The following RTTN variants were observed in gnomAD, a reference collection of about 807,000 sequenced individuals.
RTTN encodes the protein rotatin.
RTTN carries 182 observed loss-of-function variants against 269.2 expected under a neutral mutation model. The ratio of observed to expected loss-of-function variants is 0.68; its 90% confidence interval spans 0.60 to 0.76. The LOEUF is 0.76. Among genes scored for constraint, RTTN ranks in the 30% least tolerant of loss-of-function variants. RTTN has a pLI of 0.00. For missense variants in RTTN, 2,545 were observed against 2,608.6 expected (o/e 0.98, Z 0.53); for synonymous variants, 1,006 against 963.5 (o/e 1.04, Z -0.82).
At chr18:70,135,869 A>C (rs532207772) in intron 21 of RTTN, among the ~76,000 whole-genome samples, 73 of 152,304 alleles carry the variant, frequency 4.8e-4, no homozygotes, top group African/African-American at 1.6e-3. Flanking sequence ...ACTTAGCTAA[A>C]TGCCCTGGTG....
rs1248712520 is a variant in RTTN at position 70,199,418 on chromosome 18, C to A, written c.574G>T (p.Glu192Ter). The part of the protein sequence containing the change: ...TTDRHVLSSN[E>*]SSLRSSNHTL... ...AAAATACATCAAGCACCGTACCTTT[C>A]ATTAGAGGAGAGGACATGTCTGTCT... Residue 192 changes from glutamate (E) to a stop codon, truncating the protein, a stop_gained, in exon 5 of 49, where the codon GAA becomes TAA. Coordinates refer to ENST00000640769, the MANE Select transcript of RTTN (RefSeq NM_173630.4). LOFTEE classifies it high-confidence loss of function. 3.1e-6 allele frequency: 5 copies of A among 1,605,224 alleles called. No homozygotes were observed. Among genetic ancestry groups the A allele is most frequent in the Non-Finnish European group, 4.3e-6 (5 of 1,172,356 alleles).
At chr18:70,193,050 A>C (rs144504851) in intron 8 of RTTN, 6,531 of 423,596 alleles carry the variant, frequency 0.015, 98 homozygotes, top group South Asian at 0.041. Context: ...ATACATAAAC[A>C]GAGCATATGT....
intron 11 of RTTN, among the ~76,000 whole-genome samples, chr18:70,175,577 T>C (rs2061269299): frequency 1.3e-5 from 2 of 151,502 alleles, no homozygotes; most frequent in Admixed American, 6.6e-5. Context: ...TATTAAGCAA[T>C]TAAGTTGCTG....
At chr18:70,205,428 C>T in intron 1 of RTTN, 113 bp from the exon 2 acceptor site, 2 of 1,440,714 alleles carry the variant, frequency 1.4e-6, no homozygotes, top group African/African-American at 1.4e-5. Context: ...TTTTCAGAAG[C>T]AGGCCACTGG....
chr18:70,140,037 A>T, intron 20 of RTTN, 63 bp downstream of exon 20: 1 of 1,092,638 alleles, frequency 9.2e-7, no homozygotes, highest in Non-Finnish European at 1.4e-6. Flanking sequence ...TGCTCAGTTC[A>T]ATTTCAGATC....
Position 70,128,165 on chromosome 18 carries a change from TCC to T in RTTN, c.3143+191_3143+192del, listed in dbSNP as rs2059912940. On this transcript the variant is annotated intron_variant, in intron 24 of 48. Transcript: ENST00000640769. Reference sequence around the variant, plus strand: ...TAAAATGCTTTTTCATTTAAAGTTTTCCCATATGATAGATTGTTAAAAGTAAT... The same window carrying T: ...TAAAATGCTTTTTCATTTAAAGTTTTCATATGATAGATTGTTAAAAGTAAT... The T allele has an allele frequency of 1.5e-5, 8 of 529,300 alleles. No homozygotes were observed. In the Admixed American group the frequency reaches 2.6e-4, roughly 18 times the overall value. The allele number at this position is 529,300 out of a possible 1,614,324, so 32.8% of individuals were successfully genotyped here.
In RTTN at chr18:70,038,631, G is replaced by A. The variant is rs2057246927; in HGVS notation, c.5542-7650C>T. On this transcript the variant is annotated intron_variant, in intron 40 of 48. Coordinates refer to ENST00000640769, the MANE Select transcript of RTTN (RefSeq NM_173630.4). ...CACACAAACAAGCCCAGACTGCAAAGACTAAAACAAATACCTAACTCTTCA... is the reference window on the plus strand; with the variant it reads ...CACACAAACAAGCCCAGACTGCAAAAACTAAAACAAATACCTAACTCTTCA... Among the ~76,000 whole-genome samples, 3 of 152,138 alleles carry A rather than the reference G, an allele frequency of 2.0e-5. 1 individual carries two copies. In the South Asian group the frequency reaches 6.2e-4, roughly 31 times the overall value.
chr18:70,142,555 C>A (rs2060285022), intron 18 of RTTN, among the ~76,000 whole-genome samples, 168 bp from the exon 19 acceptor site: 1 of 152,170 alleles, frequency 6.6e-6, no homozygotes, highest in Non-Finnish European at 1.5e-5. Flanking sequence ...AGTAGCAGTT[C>A]TGTATTTAGG....
At chr18:70,173,502 A>G (rs570283241) in intron 11 of RTTN, among the ~76,000 whole-genome samples, 1 of 152,002 alleles carries the variant, frequency 6.6e-6, no homozygotes, top group South Asian at 2.1e-4. Context: ...AAAAAAAAAA[A>G]AAAAAAAAAG....
chr18:70,146,223 G>C (rs2060389003), intron 17 of RTTN, among the ~76,000 whole-genome samples: 1 of 152,190 alleles, frequency 6.6e-6, no homozygotes, highest in Non-Finnish European at 1.5e-5. Context: ...ACACTACAAT[G>C]TATCAAAATC....
intron 10 of RTTN, among the ~76,000 whole-genome samples, chr18:70,186,074 C>T (rs1274224497): frequency 1.4e-5 from 2 of 142,886 alleles, no homozygotes; most frequent in Admixed American, 6.7e-5. Flanking sequence ...AATGCCCTCT[C>T]CCCCCCAAAA....
At chr18:70,065,978 C>G (rs749230293) in intron 34 of RTTN, 56 bp from the exon 35 acceptor site, 2 of 1,220,638 alleles carry the variant, frequency 1.6e-6, no homozygotes, top group Non-Finnish European at 2.3e-6. Flanking sequence ...AAATGAAACA[C>G]AGGCAACATA....
chr18:70,158,625 C>T (rs1267835148), intron 14 of RTTN, among the ~76,000 whole-genome samples: 5 of 152,120 alleles, frequency 3.3e-5, no homozygotes, highest in African/African-American at 9.7e-5. Flanking sequence ...ACGGGCTAAA[C>T]ACCCCACTTA....
Position 70,167,018 on chromosome 18 carries a change from A to C in RTTN, c.1703T>G (p.Leu568Arg). The change falls in exon 13 of 49, where the codon CTC becomes CGC. Residue 568 changes from leucine to arginine, a missense_variant. By Grantham distance (102) the Leu-to-Arg change is moderately radical. Coordinates refer to ENST00000640769, the MANE Select transcript of RTTN (RefSeq NM_173630.4). ...GTCTGCCAGCTCCACTAATTCTAAG[A>C]GATTCTTCTCTCCCTACAAAAGAAG... ...SDIGKEGEKN[L>R]LELVELADQA... 6.2e-7 allele frequency: 1 copy of C among 1,610,474 alleles called. No individual in the cohort carries two copies. The highest frequency in any genetic ancestry group is 1.7e-5 in the Admixed American group (1 of 59,842).
chr18:70,198,665 A>G (rs1371430359), intron 5 of RTTN, among the ~76,000 whole-genome samples: 1 of 152,216 alleles, frequency 6.6e-6, no homozygotes, highest in Non-Finnish European at 1.5e-5. Flanking sequence ...GTAGCAATCA[A>G]TTAACAGTCA....
chr18:70,192,162 A>G (rs2061687061), intron 8 of RTTN, among the ~76,000 whole-genome samples: 1 of 152,204 alleles, frequency 6.6e-6, no homozygotes, highest in Non-Finnish European at 1.5e-5. Context: ...AGGGCATAAC[A>G]CCATACACAC....
intron 46 of RTTN, among the ~76,000 whole-genome samples, chr18:70,010,461 A>C (rs762596655): frequency 2.0e-5 from 3 of 152,226 alleles, no homozygotes; most frequent in Non-Finnish European, 4.4e-5. Context: ...CTACATGGAA[A>C]CTGAACAACT....
chr18:70,069,808 A>G (rs2058247389), intron 34 of RTTN, among the ~76,000 whole-genome samples: 1 of 152,192 alleles, frequency 6.6e-6, no homozygotes, highest in Non-Finnish European at 1.5e-5. Flanking sequence ...GGGAGAAAAT[A>G]AGGATTGTAG....
At chr18:70,140,485 T>C (rs923107805) in intron 19 of RTTN, among the ~76,000 whole-genome samples, 22 of 152,144 alleles carry the variant, frequency 1.4e-4, no homozygotes, top group African/African-American at 5.3e-4. Flanking sequence ...AGTGTACAAA[T>C]GAATGCTTAT....
Sources: allele counts gnomAD v4.1 joint callset (sites outside exome capture counted in the v4.1 genomes callset), GRCh38; gene constraint gnomAD v4.1.1; transcripts MANE v1.5; gene names NCBI Gene and HGNC (gene_info 2026-07-23, HGNC 2026-07-21).